Variants in UNC13C observed in about 807,000 individuals in gnomAD.
The protein encoded by UNC13C is protein unc-13 homolog C.
In UNC13C, 174 loss-of-function variants were observed where a neutral mutation model predicts 245.4. The observed-to-expected ratio is 0.71, with a 90% CI of 0.63 to 0.80. UNC13C has a LOEUF of 0.80. Among genes scored for constraint, UNC13C ranks in the 30% least tolerant of loss-of-function variants. The pLI is 0.00. For synonymous variants in UNC13C, 992 were observed against 895.1 expected, an observed-to-expected ratio of 1.11 and a Z score of -1.93; for missense variants, 2,829 against 2,602.9, an observed-to-expected ratio of 1.09 and a Z score of -1.89.
At chr15:54,225,526 T>C (rs1031373313) in intron 4 of UNC13C, among the ~76,000 whole-genome samples, 2 of 152,048 alleles carry the variant, frequency 1.3e-5, no homozygotes, top group East Asian at 1.9e-4. Context: ...GGCCCTTCAC[T>C]CCTTGTTAGC....
chr15:54,013,284 C>T lies in UNC13C; in HGVS notation c.381C>T (p.Tyr127=), dbSNP rs1430733485. The T allele has an allele frequency of 6.2e-6, 10 of 1,613,750 alleles. No individual in the cohort carries two copies. The highest frequency in any genetic ancestry group is 8.5e-6 in the Non-Finnish European group (10 of 1,179,828). Residue 127 remains tyrosine (Y), a synonymous_variant, in exon 2 of 33, where the codon TAC becomes TAT. Coordinates refer to ENST00000260323, the MANE Select transcript of UNC13C (RefSeq NM_001080534.3). ...AGCTCTCTTCAATCGAGAGTTCCTA[C>T]TCAGAATCATTAAATGAACTAAGGA... ...LQELSSIESS[Y]SESLNELRSS... is the part of the protein sequence containing the mutation.
intron 17 of UNC13C, among the ~76,000 whole-genome samples, chr15:54,349,137 T>C (rs2038924969): frequency 6.7e-6 from 1 of 148,708 alleles, no homozygotes; most frequent in Non-Finnish European, 1.5e-5. Flanking sequence ...TAAAATATCA[T>C]TTGATATTAT....
Position 54,627,141 on chromosome 15 carries a change from C to T in UNC13C, c.*28C>T. 6.3e-7 allele frequency: 1 copy of T among 1,578,546 alleles called. No individual in the cohort carries two copies. The highest frequency in any genetic ancestry group is 8.6e-7 in the Non-Finnish European group (1 of 1,162,676). On this transcript the variant is annotated 3_prime_UTR_variant, in exon 33 of 33. Transcript: ENST00000260323. ...CAAACACTGCAAGCTAAATACATAACTATAATTGTTTGACTACTGCATGCA... is the reference window on the plus strand; with the variant it reads ...CAAACACTGCAAGCTAAATACATAATTATAATTGTTTGACTACTGCATGCA...
chr15:53,845,525 C>G, the UNC13C span, among the ~76,000 whole-genome samples: 10 of 151,998 alleles, frequency 6.6e-5, no homozygotes, highest in African/African-American at 2.4e-4. Context: ...GTTTTAATAC[C>G]ACAGCATATT....
At chr15:54,233,599 A>G (rs556379654) in intron 4 of UNC13C, among the ~76,000 whole-genome samples, 2 of 152,270 alleles carry the variant, frequency 1.3e-5, no homozygotes, top group South Asian at 4.1e-4. Flanking sequence ...ACATTTAGTT[A>G]CTTGTTAGTA....
intron 17 of UNC13C, among the ~76,000 whole-genome samples, chr15:54,370,514 G>A (rs2140881943): frequency 6.6e-6 from 1 of 152,246 alleles, no homozygotes; most frequent in Admixed American, 6.5e-5. Flanking sequence ...CAATCTGACA[G>A]TTATATCATG....
chr15:54,165,261 A>G (rs1435414415), intron 4 of UNC13C, among the ~76,000 whole-genome samples: 1 of 152,192 alleles, frequency 6.6e-6, no homozygotes, highest in Non-Finnish European at 1.5e-5. Context: ...CAATATTTAT[A>G]GCTCTATCTT....
chr15:54,117,415 G>T (rs2030329374), intron 2 of UNC13C, among the ~76,000 whole-genome samples: 1 of 151,994 alleles, frequency 6.6e-6, no homozygotes, highest in Non-Finnish European at 1.5e-5. Context: ...TCAGGCCTTA[G>T]ATTAAAGCCT....
At chr15:54,621,273 A>G (rs2141309604) in intron 30 of UNC13C, among the ~76,000 whole-genome samples, 1 of 152,318 alleles carries the variant, frequency 6.6e-6, no homozygotes, top group East Asian at 1.9e-4. Flanking sequence ...TGCAAAAGTT[A>G]CAGTCTCTGT....
At chr15:54,629,513 G>A (rs1447762598), downstream of UNC13C, 1 of 152,082 alleles carries the variant, frequency 6.6e-6, no homozygotes, top group African/African-American at 2.4e-5. Flanking sequence ...ATATTGTAAT[G>A]ACGAGGAAAA....
At chr15:53,853,283 T>C in the UNC13C span, among the ~76,000 whole-genome samples, 1 of 152,160 alleles carries the variant, frequency 6.6e-6, no homozygotes, top group Non-Finnish European at 1.5e-5. Flanking sequence ...TGTTTGCTTT[T>C]CTGTTCCTGC....
At chr15:53,962,552 GA>G in the UNC13C span, among the ~76,000 whole-genome samples, 1 of 152,178 alleles carries the variant, frequency 6.6e-6, no homozygotes, top group South Asian at 2.1e-4. Context: ...CATATCAATA[GA>G]AAAAATATGA....
the UNC13C span, among the ~76,000 whole-genome samples, chr15:53,870,792 C>G: frequency 2.6e-5 from 4 of 152,208 alleles, no homozygotes; most frequent in Non-Finnish European, 4.4e-5. Context: ...AGAAGTTTGG[C>G]CAAGGTCACA....
intron 10 of UNC13C, among the ~76,000 whole-genome samples, chr15:54,272,069 G>T (rs8036716): frequency 0.37 from 56,738 of 152,056 alleles, 11,455 homozygotes; most frequent in African/African-American, 0.52. Context: ...ACATGTTTCT[G>T]GACCAATCCT....
chr15:54,470,243 G>A (rs1003033981), intron 19 of UNC13C, among the ~76,000 whole-genome samples: 3 of 151,480 alleles, frequency 2.0e-5, no homozygotes, highest in Admixed American at 2.0e-4. Context: ...TTTGGTATCA[G>A]TTTAATGCTA....
At chr15:54,034,748 A>C (rs1896502471) in intron 2 of UNC13C, among the ~76,000 whole-genome samples, 1 of 152,220 alleles carries the variant, frequency 6.6e-6, no homozygotes, top group African/African-American at 2.4e-5. Flanking sequence ...GTTTTGAAAG[A>C]TAATTTTGAC....
intron 2 of UNC13C, among the ~76,000 whole-genome samples, chr15:54,045,748 C>G (rs758550991): frequency 1.3e-5 from 2 of 152,116 alleles, no homozygotes; most frequent in Non-Finnish European, 2.9e-5. Context: ...GGAAATACTT[C>G]GAGATTCTGA....
chr15:54,143,810 A>G (rs2032135180), intron 4 of UNC13C, 126 bp downstream of exon 4: 2 of 609,870 alleles, frequency 3.3e-6, no homozygotes, highest in Admixed American at 3.1e-5. Flanking sequence ...TTCATTTTAC[A>G]ATAAAGTTGA....
chr15:54,078,688 G>T (rs1029905965), intron 2 of UNC13C, among the ~76,000 whole-genome samples: 6 of 151,266 alleles, frequency 4.0e-5, no homozygotes, highest in Non-Finnish European at 5.9e-5. Context: ...TTTTCTTTCT[G>T]ATTTCCTTAA....
Sources: allele counts gnomAD v4.1 joint callset (sites outside exome capture counted in the v4.1 genomes callset), GRCh38; gene constraint gnomAD v4.1.1; transcripts MANE v1.5; gene names NCBI Gene and HGNC (gene_info 2026-07-23, HGNC 2026-07-21).